PCDHA10: variants seen among roughly 807,000 people sequenced by gnomAD.
The protein encoded by PCDHA10 is protocadherin alpha-10.
A neutral mutation model predicts 61.2 loss-of-function variants in PCDHA10; 45 were observed. That is an observed-to-expected ratio of 0.74 (90% confidence interval 0.58 to 0.94). The LOEUF (loss-of-function observed/expected upper bound fraction) is 0.94, where lower values mean the gene tolerates loss of function less well. PCDHA10 is among the 40% of genes least tolerant of loss of function. PCDHA10 has a pLI of 0.00. For synonymous variants in PCDHA10, 602 were observed against 548.8 expected, an observed-to-expected ratio of 1.10 and a Z score of -1.35; for missense variants, 1,278 against 1,236.2, an observed-to-expected ratio of 1.03 and a Z score of -0.51.
At chr5:140,961,205 T>C (rs1215243152) in intron 1 of PCDHA10, among the ~76,000 whole-genome samples, 2 of 152,172 alleles carry the variant, frequency 1.3e-5, no homozygotes, top group Non-Finnish European at 2.9e-5. Context: ...GAGGTTGGTA[T>C]TGATGAAGAA....
chr5:140,992,235 G>A (rs1272038759), intron 3 of PCDHA10, among the ~76,000 whole-genome samples: 7 of 152,154 alleles, frequency 4.6e-5, no homozygotes, highest in African/African-American at 1.7e-4. Flanking sequence ...GGAAGAGTAA[G>A]GAAGGAAGTA....
In PCDHA10 at chr5:140,857,008, T is replaced by C. The variant is rs2044317901; in HGVS notation, c.960T>C (p.Asp320=). The change falls in exon 1 of 4, where the codon GAT becomes GAC. Residue 320 remains aspartate (D), a synonymous_variant. Transcript: ENST00000307360. The stretch of plus-strand genomic sequence containing the variant: ...GTAACACTTATGAAATTCATGTAGA[T>C]GTTACAGATAAGGGAAACCCACCTA... ...EDSNTYEIHV[D]VTDKGNPPMV... 4 of 1,595,746 alleles carry C rather than the reference T, an allele frequency of 2.5e-6. 1 individual carries two copies. Among genetic ancestry groups the C allele is most frequent in the Non-Finnish European group, 3.4e-6 (4 of 1,165,590 alleles).
intron 1 of PCDHA10, chr5:140,968,548 G>T: frequency 6.2e-7 from 1 of 1,614,174 alleles, no homozygotes; most frequent in Non-Finnish European, 8.5e-7. Context: ...TCGAGATGGT[G>T]CCTCGAACTG....
chr5:140,968,798 G>A, intron 1 of PCDHA10: 3 of 1,614,232 alleles, frequency 1.9e-6, no homozygotes, highest in Non-Finnish European at 2.5e-6. Context: ...GGCCATTACA[G>A]TAGCTGTGGT....
At chr5:140,962,438 G>A (rs1375451859) in intron 1 of PCDHA10, among the ~76,000 whole-genome samples, 3 of 152,108 alleles carry the variant, frequency 2.0e-5, no homozygotes, top group Non-Finnish European at 2.9e-5. Context: ...CTTATCCAAA[G>A]ATGGCTTGAA....
At chr5:140,863,532 T>G (rs1554158313) in intron 1 of PCDHA10, 1 of 390,936 alleles carries the variant, frequency 2.6e-6, no homozygotes, top group Non-Finnish European at 5.0e-6. Context: ...GTTCAGATTT[T>G]GGAGATGGAC....
At chr5:140,916,606 C>A (rs561641984) in intron 1 of PCDHA10, among the ~76,000 whole-genome samples, 1 of 152,168 alleles carries the variant, frequency 6.6e-6, no homozygotes, top group African/African-American at 2.4e-5. Context: ...GGAATGCGGG[C>A]CTCATGACTC....
intron 1 of PCDHA10, among the ~76,000 whole-genome samples, chr5:140,963,604 T>A (rs1379826259): frequency 6.6e-6 from 1 of 152,234 alleles, no homozygotes; most frequent in Non-Finnish European, 1.5e-5. Flanking sequence ...CTAGACGTAA[T>A]TGGGAAAGCT....
rs1554262759 is a variant in PCDHA10 at position 141,010,215 on chromosome 5, G to A, written c.*278G>A. ...CCTTTCTCCTCCGCCGCAAAGGAGA[G>A]GCTTCCCAGCCCCGCCAGTGAGAGG... On this transcript the variant is annotated 3_prime_UTR_variant, in exon 4 of 4. Transcript: ENST00000307360. The A allele has an allele frequency of 6.4e-7, 1 of 1,551,774 alleles. No homozygotes were observed. Among genetic ancestry groups the A allele is most frequent in the East Asian group, 2.4e-5 (1 of 40,918 alleles).
chr5:140,967,017 C>T, intron 1 of PCDHA10: 1 of 1,606,892 alleles, frequency 6.2e-7, no homozygotes, highest in Non-Finnish European at 8.5e-7. Context: ...CATCTGGGTG[C>T]GCCCAGTCCG....
chr5:140,857,491 G>A lies in PCDHA10; in HGVS notation c.1443G>A (p.Ala481=). The A allele has an allele frequency of 1.3e-6, 2 of 1,598,340 alleles. No homozygotes were observed. Among genetic ancestry groups the A allele is most frequent in the Non-Finnish European group, 1.7e-6 (2 of 1,167,800 alleles). The change falls in exon 1 of 4, where the codon GCG becomes GCA. Residue 481 remains alanine (A), a synonymous_variant. Transcript: ENST00000307360. ...TCTTCACGGTGTCTGCGTGGGACGC[G>A]GACGCGCAGGAGAACGCCCTGGTGT... ...CHIFTVSAWD[A]DAQENALVSY...
chr5:140,972,515 G>A (rs572041832), intron 1 of PCDHA10, among the ~76,000 whole-genome samples: 1 of 152,166 alleles, frequency 6.6e-6, no homozygotes, highest in South Asian at 2.1e-4. Flanking sequence ...TTTACCCCCA[G>A]TGAGCTTATT....
chr5:141,003,981 C>T (rs1485203944), intron 3 of PCDHA10, among the ~76,000 whole-genome samples: 9 of 152,072 alleles, frequency 5.9e-5, no homozygotes, highest in Admixed American at 2.6e-4. Flanking sequence ...GGGGACTTGC[C>T]GGAGATCCTA....
rs782099262 is a variant in PCDHA10 at position 140,927,918 on chromosome 5, C to A, written c.2389-51031C>A. 3.7e-6 allele frequency: 6 copies of A among 1,614,220 alleles called. No homozygotes were observed. In the South Asian group the frequency reaches 4.4e-5, roughly 12 times the overall value. ...ACGATCATGCCCCCGAACTGGACTT[C>A]CTGACTCTTTCGAACCCAGTACCTG... On this transcript the variant is annotated intron_variant, in intron 1 of 3. Transcript: ENST00000307360.
At chr5:140,914,997 G>A (rs548148626) in intron 1 of PCDHA10, among the ~76,000 whole-genome samples, 43 of 148,264 alleles carry the variant, frequency 2.9e-4, no homozygotes, top group African/African-American at 1.0e-3. Flanking sequence ...CCAGGCTGGA[G>A]TGCAGTGGCC....
rs782023286 is a variant in PCDHA10 at position 140,856,399 on chromosome 5, T to G, written c.351T>G (p.His117Gln). 1 of 1,598,492 alleles carries G rather than the reference T, an allele frequency of 6.3e-7. No individual in the cohort carries two copies. The highest frequency in any genetic ancestry group is 8.6e-7 in the Non-Finnish European group (1 of 1,167,942). The change falls in exon 1 of 4, where the codon CAT becomes CAG. Residue 117 changes from histidine (H) to glutamine (Q), a missense_variant. His to Gln is a conservative substitution (Grantham distance 24). Transcript: ENST00000307360. ...VIVDRPLQVF[H>Q]VDVEVKDIND... ...TGGACAGGCCGCTGCAGGTTTTCCA[T>G]GTGGACGTGGAAGTGAAGGACATTA... is the stretch of plus-strand genomic sequence containing the variant.
At chr5:140,978,694 G>A (rs1184051557) in intron 1 of PCDHA10, among the ~76,000 whole-genome samples, 1 of 152,258 alleles carries the variant, frequency 6.6e-6, no homozygotes, top group African/African-American at 2.4e-5. Context: ...GCAAGGCAAA[G>A]CCAAAGGTGG....
intron 1 of PCDHA10, chr5:140,877,965 G>A (rs1049843517): frequency 1.8e-5 from 23 of 1,304,904 alleles, no homozygotes; most frequent in Non-Finnish European, 2.2e-5. Context: ...CATCTTTCTT[G>A]GTCATTCTTA....
chr5:140,915,615 A>C (rs948306385), intron 1 of PCDHA10, among the ~76,000 whole-genome samples: 5 of 142,332 alleles, frequency 3.5e-5, no homozygotes, highest in Admixed American at 7.1e-5. Flanking sequence ...TCTGTCAAAC[A>C]GTCTCTTTCT....
Sources: gnomAD v4.1 joint callset for allele counts (sites outside exome capture counted in the v4.1 genomes callset) on GRCh38, gnomAD v4.1.1 for gene constraint, MANE v1.5 for transcripts, NCBI Gene and HGNC (gene_info 2026-07-23, HGNC 2026-07-21) for gene names.